Variants in CNTLN observed in about 807,000 individuals in gnomAD.
The protein encoded by CNTLN is centlein, centrosomal protein.
A neutral mutation model predicts 180.0 loss-of-function variants in CNTLN; 212 were observed. That is an observed-to-expected ratio of 1.18 (90% CI 1.05 to 1.32). The LOEUF is 1.32. Among genes scored for constraint, CNTLN ranks in the 40% most tolerant of loss-of-function variants. CNTLN has a pLI of 0.00. For missense variants in CNTLN, 2,095 were observed against 1,610.9 expected (o/e 1.30, Z -5.14); for synonymous variants, 722 against 563.1 (o/e 1.28, Z -3.99).
chr9:17,325,170 ATTCTTT>A (rs147250352), intron 8 of CNTLN, among the ~76,000 whole-genome samples: 74,929 of 147,866 alleles, frequency 0.51, 20,105 homozygotes, highest in Non-Finnish European at 0.6. Flanking sequence ...TTAAATTGAT[ATTCTTT>A]TTCTTTTTCT....
intron 7 of CNTLN, among the ~76,000 whole-genome samples, chr9:17,304,833 A>G (rs1818598659): frequency 6.6e-6 from 1 of 152,112 alleles, no homozygotes; most frequent in Non-Finnish European, 1.5e-5. Flanking sequence ...GAGATGGTTT[A>G]AAGTATACAG....
rs1831437239 is a variant in CNTLN at position 17,461,343 on chromosome 9, T to C, written c.3307-1573T>C. On this transcript the variant is annotated intron_variant, in intron 19 of 25. Transcript: ENST00000380647. ...TGACTAGTGTGACTAGTGTGGAACA[T>C]GTTATTCAGGCAGTGCTGGAAATAA... Among the ~76,000 whole-genome samples the C allele has an allele frequency of 3.3e-5, 5 of 151,676 alleles. No individual in the cohort carries two copies. The South Asian group carries it at 1.0e-3, about 31-fold the overall frequency.
Position 17,263,035 on chromosome 9 carries a change from AT to A in CNTLN, c.850-10691del, listed in dbSNP as rs560619897. On this transcript the variant is annotated intron_variant, in intron 5 of 25. Transcript: ENST00000380647. ...ATCTAATTTATCTAAAGGTTTATCA[AT>A]TTTTTTAATTTTATTATTATTATAC... 3.0e-3 allele frequency among the ~76,000 whole-genome samples: 459 copies of A among 151,186 alleles called. 24 individuals carry two copies. The highest frequency in any genetic ancestry group is 0.011 in the African/African-American group (439 of 40,744).
At chr9:17,184,544 A>T (rs1401926166) in intron 2 of CNTLN, among the ~76,000 whole-genome samples, 1 of 152,174 alleles carries the variant, frequency 6.6e-6, no homozygotes, top group Non-Finnish European at 1.5e-5. Context: ...GAATGTGGAT[A>T]GATGTGAGGT....
At chr9:17,178,864 C>T (rs1043625255) in intron 2 of CNTLN, among the ~76,000 whole-genome samples, 26 of 152,256 alleles carry the variant, frequency 1.7e-4, no homozygotes, top group Admixed American at 6.5e-5. Flanking sequence ...GCTCCTGAAG[C>T]GTGGCCAGAG....
At chr9:17,375,195 C>A (rs1824654894) in intron 13 of CNTLN, among the ~76,000 whole-genome samples, 1 of 152,030 alleles carries the variant, frequency 6.6e-6, no homozygotes, top group Non-Finnish European at 1.5e-5. Context: ...CATGTTCTCA[C>A]TTATTGGTGG....
At chr9:17,497,022 G>T (rs369470048) in intron 25 of CNTLN, among the ~76,000 whole-genome samples, 99 of 152,254 alleles carry the variant, frequency 6.5e-4, no homozygotes, top group African/African-American at 2.2e-3. Flanking sequence ...AATGTGTCAG[G>T]CTTTGTGTAA....
At chr9:17,384,224 T>G (rs1251650097) in intron 13 of CNTLN, among the ~76,000 whole-genome samples, 1 of 151,560 alleles carries the variant, frequency 6.6e-6, no homozygotes, top group African/African-American at 2.4e-5. Context: ...AGTCCCCAGC[T>G]TAAAGACATT....
At chr9:17,150,312 T>A (rs1818769769) in intron 2 of CNTLN, among the ~76,000 whole-genome samples, 1 of 152,226 alleles carries the variant, frequency 6.6e-6, no homozygotes. Flanking sequence ...TGATCCATCT[T>A]GAGTTTATTT....
intron 23 of CNTLN, among the ~76,000 whole-genome samples, chr9:17,474,928 C>A (rs559471473): frequency 6.6e-6 from 1 of 151,694 alleles, no homozygotes; most frequent in Non-Finnish European, 1.5e-5. Context: ...TGGCATGACT[C>A]CTTATTACTC....
chr9:17,522,655 G>C, the CNTLN span, among the ~76,000 whole-genome samples: 2 of 151,868 alleles, frequency 1.3e-5, no homozygotes, highest in African/African-American at 4.8e-5. Flanking sequence ...ACAACCGAAA[G>C]TCGGCCTGCC....
chr9:17,396,653 T>C (rs1271663455), intron 15 of CNTLN, among the ~76,000 whole-genome samples: 1 of 152,180 alleles, frequency 6.6e-6, no homozygotes, highest in Non-Finnish European at 1.5e-5. Flanking sequence ...TGTTTGCATA[T>C]TAGAAGCACC....
intron 18 of CNTLN, among the ~76,000 whole-genome samples, chr9:17,446,621 A>G (rs987826178): frequency 2.0e-5 from 3 of 152,178 alleles, no homozygotes; most frequent in Non-Finnish European, 4.4e-5. Flanking sequence ...TTTCAGAAAT[A>G]TATCATGGTC....
chr9:17,482,463 G>A (rs1237206190), intron 23 of CNTLN, among the ~76,000 whole-genome samples: 1 of 152,068 alleles, frequency 6.6e-6, no homozygotes, highest in African/African-American at 2.4e-5. Context: ...TAAACAAATG[G>A]AAAGGAATAC....
At chr9:17,392,212 C>A (rs751532510) in intron 14 of CNTLN, among the ~76,000 whole-genome samples, 11 of 152,062 alleles carry the variant, frequency 7.2e-5, no homozygotes, top group Non-Finnish European at 1.6e-4. Flanking sequence ...GGCTGAAAAA[C>A]CATGATCGAG....
chr9:17,499,691 T>C (rs1482237773), intron 25 of CNTLN, among the ~76,000 whole-genome samples: 1 of 152,190 alleles, frequency 6.6e-6, no homozygotes, highest in African/African-American at 2.4e-5. Flanking sequence ...AAATATTGTT[T>C]TGTAGTTCTG....
chr9:17,156,040 C>T (rs1365366002), intron 2 of CNTLN, among the ~76,000 whole-genome samples: 3 of 152,212 alleles, frequency 2.0e-5, no homozygotes, highest in African/African-American at 7.2e-5. Flanking sequence ...CCTGCTTCGG[C>T]TAGCCCTCTG....
intron 12 of CNTLN, among the ~76,000 whole-genome samples, chr9:17,345,510 G>T (rs1821808281): frequency 6.8e-6 from 1 of 147,958 alleles, no homozygotes; most frequent in African/African-American, 2.5e-5. Context: ...TTTCTGTAGA[G>T]TTTTTGACTA....
chr9:17,200,598 A>C lies in CNTLN; in HGVS notation c.450-25605A>C, dbSNP rs577789532. ...TAGGTATTTTATTTTCTTTGTAGCAATTGTGAATGGGAGTTCAGTCATGAT... is the reference window on the plus strand; with the variant it reads ...TAGGTATTTTATTTTCTTTGTAGCACTTGTGAATGGGAGTTCAGTCATGAT... On this transcript the variant is annotated intron_variant, in intron 2 of 25. Coordinates refer to ENST00000380647, the MANE Select transcript of CNTLN (RefSeq NM_017738.4). Among the ~76,000 whole-genome samples the C allele has an allele frequency of 1.6e-4, 24 of 152,130 alleles. No homozygotes were observed. The East Asian group carries it at 3.9e-3, about 25-fold the overall frequency.
Sources: gnomAD v4.1 joint callset for allele counts (sites outside exome capture counted in the v4.1 genomes callset) on GRCh38, gnomAD v4.1.1 for gene constraint, MANE v1.5 for transcripts, NCBI Gene and HGNC (gene_info 2026-07-23, HGNC 2026-07-21) for gene names.